CADPS: variants seen among roughly 807,000 people sequenced by gnomAD.
CADPS encodes the protein calcium-dependent secretion activator 1.
In CADPS, 57 loss-of-function variants were observed where a neutral mutation model predicts 167.3. That is an observed-to-expected ratio of 0.34 (90% CI 0.28 to 0.42). The LOEUF (loss-of-function observed/expected upper bound fraction) is 0.42, where lower values mean the gene tolerates loss of function less well. Ranked by LOEUF, CADPS falls within the 20% of genes least tolerant of loss-of-function variation. The probability of loss-of-function intolerance (pLI) is 1.00; values close to 1 mark genes in which losing one functional copy is unlikely to be tolerated. For missense variants in CADPS, 1,414 were observed against 1,738.1 expected (o/e 0.81, Z 3.32); for synonymous variants, 676 against 635.3 (o/e 1.06, Z -0.96).
intron 4 of CADPS, among the ~76,000 whole-genome samples, chr3:62,660,311 A>G (rs1345120730): frequency 6.6e-6 from 1 of 152,212 alleles, no homozygotes; most frequent in Non-Finnish European, 1.5e-5. Context: ...TGAATGGACC[A>G]AATGACCTCC....
intron 3 of CADPS, among the ~76,000 whole-genome samples, chr3:62,672,767 G>A (rs1448036543): frequency 2.0e-5 from 3 of 152,122 alleles, no homozygotes; most frequent in Admixed American, 1.3e-4. Context: ...GGGACTACAG[G>A]CATCATCATG....
rs2069975097 is a variant in CADPS, at chr3:62,651,010, A to G, written c.1040T>C (p.Val347Ala). ...NMYIEELKSS[V>A]NLLMANLESM... ...CTCCAAGTTGGCCATGAGCAGGTTG[A>G]CAGATGACTTCAGCTCCTCAATGTA... The change falls in exon 5 of 30, where the codon GTC (valine) becomes GCC (alanine). Residue 347 changes from valine (V) to alanine (A), a missense_variant. Physicochemically the swap from Val to Ala is moderately conservative, Grantham distance 64. Around this residue, in one of 6 missense-constraint regions of CADPS, gnomAD observed 522 missense variants for 559.5 expected, o/e 0.93. Coordinates refer to ENST00000383710, the MANE Select transcript of CADPS (RefSeq NM_003716.4). 1 of 1,614,044 alleles carries G rather than the reference A, an allele frequency of 6.2e-7. No individual in the cohort carries two copies. Among genetic ancestry groups the G allele is most frequent in the African/African-American group, 1.3e-5 (1 of 74,944 alleles).
chr3:62,569,964 A>C (rs879328398), intron 9 of CADPS, among the ~76,000 whole-genome samples: 3 of 152,212 alleles, frequency 2.0e-5, no homozygotes, highest in Non-Finnish European at 4.4e-5. Flanking sequence ...CTGGAAAAAA[A>C]TTTAAGAAAT....
At chr3:62,470,874 T>G (rs1039955634) in intron 24 of CADPS, 3 of 152,090 alleles carry the variant, frequency 2.0e-5, no homozygotes, top group African/African-American at 7.2e-5. Flanking sequence ...CAAGAAATGT[T>G]TACAAGCCTC....
chr3:62,569,548 C>T (rs17066607), intron 9 of CADPS, among the ~76,000 whole-genome samples: 4,143 of 152,276 alleles, frequency 0.027, 183 homozygotes, highest in African/African-American at 0.094. Context: ...TTTGCCTTAG[C>T]GGCACAGCAG....
chr3:62,832,708 C>T (rs1388722636), intron 1 of CADPS, among the ~76,000 whole-genome samples: 1 of 152,220 alleles, frequency 6.6e-6, no homozygotes, highest in Non-Finnish European at 1.5e-5. Flanking sequence ...AAACACAAAG[C>T]TTTGCTTAGT....
intron 27 of CADPS, chr3:62,440,899 CTGGAGGGGAG>C (rs1560420868): frequency 2.0e-5 from 3 of 152,114 alleles, no homozygotes; most frequent in African/African-American, 4.8e-5. Flanking sequence ...TTGGGAGGCC[CTGGAGGGGAG>C]TGGGTCACTA....
intron 7 of CADPS, among the ~76,000 whole-genome samples, chr3:62,589,411 G>A (rs1234280511): frequency 6.6e-6 from 1 of 152,264 alleles, no homozygotes; most frequent in Non-Finnish European, 1.5e-5. Flanking sequence ...GCCTGAAGAA[G>A]AGAATGAACC....
chr3:62,617,068 G>C (rs1462070009), intron 6 of CADPS, among the ~76,000 whole-genome samples: 2 of 152,146 alleles, frequency 1.3e-5, no homozygotes, highest in Non-Finnish European at 2.9e-5. Flanking sequence ...ATATCACAAT[G>C]TTAAATATTG....
At chr3:62,777,560 T>A (rs1449252644) in intron 1 of CADPS, among the ~76,000 whole-genome samples, 1 of 152,208 alleles carries the variant, frequency 6.6e-6, no homozygotes, top group Non-Finnish European at 1.5e-5. Context: ...AATAATAATG[T>A]ATCTGTATTG....
chr3:62,558,323 G>A (rs918476409), intron 9 of CADPS, among the ~76,000 whole-genome samples: 1 of 152,196 alleles, frequency 6.6e-6, no homozygotes, highest in Non-Finnish European at 1.5e-5. Context: ...CTGCAGGCCC[G>A]CCTTCAGGAC....
chr3:62,615,672 A>C (rs866529136), intron 6 of CADPS, among the ~76,000 whole-genome samples: 5 of 152,156 alleles, frequency 3.3e-5, no homozygotes, highest in Admixed American at 1.3e-4. Flanking sequence ...TATTGTGGGA[A>C]TATCAAGTAC....
intron 3 of CADPS, among the ~76,000 whole-genome samples, chr3:62,736,868 G>A (rs2079079757): frequency 6.6e-6 from 1 of 152,232 alleles, no homozygotes; most frequent in Non-Finnish European, 1.5e-5. Flanking sequence ...GCTGGGCACA[G>A]TGGCTCACGC....
chr3:62,522,922 A>G (rs999306360), intron 13 of CADPS, among the ~76,000 whole-genome samples: 1 of 152,232 alleles, frequency 6.6e-6, no homozygotes. Flanking sequence ...CTGGAGCCAG[A>G]AATGAGTCTC....
intron 3 of CADPS, among the ~76,000 whole-genome samples, chr3:62,722,103 G>C (rs1007894702): frequency 1.3e-5 from 2 of 152,248 alleles, no homozygotes; most frequent in Non-Finnish European, 2.9e-5. Context: ...AGGCTTGGAA[G>C]AGTTAAGTAT....
chr3:62,645,917 A>C (rs2068450447), intron 5 of CADPS, 74 bp from the exon 6 acceptor site: 5 of 1,557,996 alleles, frequency 3.2e-6, no homozygotes, highest in Non-Finnish European at 4.4e-6. Flanking sequence ...AAAATACACA[A>C]ATGAGAAGCT....
At chr3:62,439,667 G>C (rs1008666025) in intron 27 of CADPS, 32 of 152,236 alleles carry the variant, frequency 2.1e-4, no homozygotes, top group African/African-American at 7.2e-4. Flanking sequence ...GTAGGGATGG[G>C]GATCTCTACC....
intron 1 of CADPS, among the ~76,000 whole-genome samples, chr3:62,794,773 G>A (rs2093258327): frequency 1.3e-5 from 1 of 74,400 alleles, no homozygotes; most frequent in Admixed American, 1.5e-4. Flanking sequence ...ACAGACGCAA[G>A]GTGGTAAAAA....
At chr3:62,701,599 C>A in intron 3 of CADPS, among the ~76,000 whole-genome samples, 2 of 112,712 alleles carry the variant, frequency 1.8e-5, no homozygotes, top group Non-Finnish European at 1.8e-5. Flanking sequence ...CAGAACAAGA[C>A]TCAGTCTAAA....
Sources: allele counts gnomAD v4.1 joint callset (sites outside exome capture counted in the v4.1 genomes callset), GRCh38; gene constraint gnomAD v4.1.1; regional missense constraint gnomAD v4.1.1; transcripts MANE v1.5; gene names NCBI Gene and HGNC (gene_info 2026-07-23, HGNC 2026-07-21).